EIF4G3: variants seen among roughly 807,000 people sequenced by gnomAD.
EIF4G3 encodes the protein eukaryotic translation initiation factor 4 gamma 3.
EIF4G3 carries 34 observed loss-of-function variants against 186.4 expected under a neutral mutation model. That is an observed-to-expected ratio of 0.18 (90% CI 0.14 to 0.24). The LOEUF is 0.24. Ranked by LOEUF, EIF4G3 falls within the 10% of genes least tolerant of loss-of-function variation. The pLI is 1.00. For missense variants in EIF4G3, 1,536 were observed against 1,948.5 expected (o/e 0.79, Z 3.99); for synonymous variants, 673 against 679.5 (o/e 0.99, Z 0.15).
At chr1:21,114,209 C>T (rs574865871) in intron 2 of EIF4G3, among the ~76,000 whole-genome samples, 101 of 151,536 alleles carry the variant, frequency 6.7e-4, no homozygotes, top group Middle Eastern at 3.4e-3. Flanking sequence ...TGCAGTGGCG[C>T]GATCTCGCCT....
At chr1:20,868,877 C>T (rs2078315098) in intron 20 of EIF4G3, among the ~76,000 whole-genome samples, 1 of 152,110 alleles carries the variant, frequency 6.6e-6, no homozygotes, top group Admixed American at 6.5e-5. Context: ...TGTAAAGAGA[C>T]CCATCCACAT....
intron 14 of EIF4G3, 82 bp downstream of exon 14, chr1:20,941,409 A>C: frequency 6.2e-7 from 1 of 1,610,450 alleles, no homozygotes; most frequent in Non-Finnish European, 8.5e-7. Context: ...GAAGTCAAGG[A>C]AAGTAGCCAA....
intron 7 of EIF4G3, among the ~76,000 whole-genome samples, chr1:20,982,690 G>A (rs2078551080): frequency 6.6e-6 from 1 of 152,140 alleles, no homozygotes; most frequent in Non-Finnish European, 1.5e-5. Context: ...TAGTGTGCAA[G>A]GAAATGTCTG....
intron 24 of EIF4G3, among the ~76,000 whole-genome samples, chr1:20,858,720 T>A (rs2075653953): frequency 6.6e-6 from 1 of 152,150 alleles, no homozygotes; most frequent in Non-Finnish European, 1.5e-5. Context: ...ATGAGGGCCG[T>A]GTGCGGTGGC....
intron 2 of EIF4G3, among the ~76,000 whole-genome samples, chr1:21,154,799 G>A (rs992615567): frequency 6.6e-6 from 1 of 152,130 alleles, no homozygotes; most frequent in Admixed American, 6.6e-5. Context: ...CTCTTTAGCA[G>A]TATGATAAAA....
At chr1:20,814,764 C>T (rs1306922319) in intron 34 of EIF4G3, among the ~76,000 whole-genome samples, 8 of 57,034 alleles carry the variant, frequency 1.4e-4, no homozygotes, top group African/African-American at 4.9e-4. Context: ...CCTCCCCCTC[C>T]CCCTCCCCCT....
intron 12 of EIF4G3, among the ~76,000 whole-genome samples, chr1:20,962,731 G>T (rs1038630855): frequency 6.6e-6 from 1 of 152,118 alleles, no homozygotes. Context: ...ACAATTTACA[G>T]GAGAGATGAA....
intron 14 of EIF4G3, among the ~76,000 whole-genome samples, chr1:20,933,650 T>C (rs1049099376): frequency 3.9e-5 from 6 of 151,986 alleles, no homozygotes; most frequent in Non-Finnish European, 8.8e-5. Flanking sequence ...AGTGAGACTC[T>C]ATCTTGTGGG....
rs183197257 is a variant in EIF4G3 at position 20,898,823 on chromosome 1, C to T, written c.1999+874G>A. ...TTGGCTCACTGCAACCTCTGCCTTC[C>T]GGGTTCAAGCGATTCTCCTGCCTCA... On this transcript the variant is annotated intron_variant, in intron 16 of 36. Coordinates refer to ENST00000602326, the MANE Select transcript of EIF4G3 (RefSeq NM_001391906.1). Among the ~76,000 whole-genome samples the T allele has an allele frequency of 1.7e-3, 263 of 152,254 alleles. 1 individual carries two copies. Among genetic ancestry groups the T allele is most frequent in the Non-Finnish European group, 3.1e-3 (212 of 68,032 alleles).
intron 27 of EIF4G3, among the ~76,000 whole-genome samples, chr1:20,853,338 CCTAG>C (rs1035391269): frequency 6.6e-6 from 1 of 152,120 alleles, no homozygotes; most frequent in African/African-American, 2.4e-5. Context: ...TTTGGGTGGG[CCTAG>C]CTTTCTTAAG....
At chr1:20,928,765 T>C (rs1268210403) in intron 14 of EIF4G3, among the ~76,000 whole-genome samples, 1 of 152,174 alleles carries the variant, frequency 6.6e-6, no homozygotes, top group Non-Finnish European at 1.5e-5. Context: ...ATTAACCTTT[T>C]AAAACTATAC....
rs2081688628 is a variant in EIF4G3, at chr1:20,879,455, C to T, written c.2490G>A (p.Met830Ile). The T allele has an allele frequency of 6.4e-7, 1 of 1,573,260 alleles. No homozygotes were observed. Among genetic ancestry groups the T allele is most frequent in the African/African-American group, 1.4e-5 (1 of 73,178 alleles). ...KLTPQMFNQL[M>I]KQVSGLTVDT... ...CAACAGTAAGTCCTGACACTTGCTTCATCAGTTGATTGAACATCTGTGGTG... is the reference window on the plus strand; with the variant it reads ...CAACAGTAAGTCCTGACACTTGCTTTATCAGTTGATTGAACATCTGTGGTG... The change falls in exon 20 of 37, where the codon ATG becomes ATA. Residue 830 changes from methionine to isoleucine, a missense_variant. This residue lies in a region of EIF4G3 where 139 missense variants were observed against 192.8 expected (regional missense o/e 0.72). Coordinates refer to ENST00000602326, the MANE Select transcript of EIF4G3 (RefSeq NM_001391906.1).
At chr1:20,882,548 GA>G (rs1294571319) in intron 19 of EIF4G3, among the ~76,000 whole-genome samples, 3 of 151,384 alleles carry the variant, frequency 2.0e-5, no homozygotes, top group Non-Finnish European at 2.9e-5. Flanking sequence ...TTGAACCCAG[GA>G]GGCGGAGGTT....
intron 2 of EIF4G3, among the ~76,000 whole-genome samples, chr1:21,155,384 T>C (rs1312373715): frequency 2.0e-5 from 3 of 150,936 alleles, no homozygotes; most frequent in Non-Finnish European, 2.9e-5. Flanking sequence ...CAACTAAGGA[T>C]AGTAATGGAG....
At chr1:21,008,428 C>T (rs920623622) in intron 4 of EIF4G3, among the ~76,000 whole-genome samples, 1 of 152,126 alleles carries the variant, frequency 6.6e-6, no homozygotes, top group African/African-American at 2.4e-5. Context: ...CCTCCCCCTC[C>T]TGGGTCCAAG....
chr1:20,902,271 T>A (rs766637731), intron 15 of EIF4G3, among the ~76,000 whole-genome samples: 13 of 152,026 alleles, frequency 8.6e-5, no homozygotes, highest in Non-Finnish European at 1.9e-4. Context: ...ACCATGTTGG[T>A]CAGGCTGGTC....
chr1:20,881,826 A>T (rs2082408604), intron 19 of EIF4G3, among the ~76,000 whole-genome samples: 1 of 151,608 alleles, frequency 6.6e-6, no homozygotes, highest in South Asian at 2.1e-4. Flanking sequence ...AAATAAAATA[A>T]AATAAAAATA....
chr1:21,024,901 T>A (rs552128742), intron 4 of EIF4G3, among the ~76,000 whole-genome samples: 1,504 of 143,152 alleles, frequency 0.011, 20 homozygotes, highest in Admixed American at 0.032. Context: ...AAAATAAATT[T>A]AAAAAAAAAA....
At chr1:20,902,066 ATTT>A (rs764509538) in intron 15 of EIF4G3, among the ~76,000 whole-genome samples, 3 of 143,526 alleles carry the variant, frequency 2.1e-5, no homozygotes, top group African/African-American at 2.5e-5. Flanking sequence ...CTAGGCTATA[ATTT>A]TTTTTTTTTT....
Sources: gnomAD v4.1 joint callset for allele counts (sites outside exome capture counted in the v4.1 genomes callset) on GRCh38, gnomAD v4.1.1 for gene constraint, gnomAD v4.1.1 regional missense constraint, MANE v1.5 for transcripts, NCBI Gene and HGNC (gene_info 2026-07-23, HGNC 2026-07-21) for gene names.